Variants in CD99L2 observed in about 807,000 individuals in gnomAD.
CD99L2 encodes CD99 antigen-like protein 2.
In CD99L2, 24 loss-of-function variants were observed where a neutral mutation model predicts 27.3. That is an observed-to-expected ratio of 0.88 (90% CI 0.64 to 1.24). The LOEUF is 1.24. CD99L2 is among the 50% of genes most tolerant of loss of function. The probability of loss-of-function intolerance (pLI) is 0.00; values close to 1 mark genes in which losing one functional copy is unlikely to be tolerated. For missense variants in CD99L2, 255 were observed against 221.6 expected (o/e 1.15, Z -0.96); for synonymous variants, 97 against 87.9 (o/e 1.10, Z -0.58).
rs576897435 is a variant in CD99L2, at chrX:150,871,842, C to T, written c.67+26680G>A. On this transcript the variant is annotated intron_variant, in intron 1 of 10. Coordinates refer to ENST00000370377, the MANE Select transcript of CD99L2 (RefSeq NM_031462.4). ...ATACAGTACGGCTGAATCTTGAAAA[C>T]ATTATGCTGCATGAAAGAGCTAGAA... 2.7e-5 allele frequency among the ~76,000 whole-genome samples: 3 copies of T among 112,122 alleles called. No homozygotes were observed. In the East Asian group the frequency reaches 8.4e-4, roughly 31 times the overall value.
chrX:150,870,768 C>A (rs1569566128), intron 1 of CD99L2, among the ~76,000 whole-genome samples: 1 of 110,953 alleles, frequency 9.0e-6, no homozygotes, highest in African/African-American at 3.3e-5. Context: ...TGCACCCCCC[C>A]ATCCTAGCAG....
chrX:150,893,560 G>C (rs1557422952), intron 1 of CD99L2, among the ~76,000 whole-genome samples: 3 of 108,182 alleles, frequency 2.8e-5, no homozygotes, highest in Non-Finnish European at 5.7e-5. Context: ...CCCCAATCCA[G>C]GGGTAACATG....
At chrX:150,873,630 G>A (rs1294937843) in intron 1 of CD99L2, among the ~76,000 whole-genome samples, 1 of 111,727 alleles carries the variant, frequency 9.0e-6, no homozygotes. Context: ...ACATTCACAG[G>A]GAAGGTAGCA....
intron 9 of CD99L2, among the ~76,000 whole-genome samples, chrX:150,775,627 T>C (rs1028788525): frequency 3.6e-5 from 4 of 112,593 alleles, no homozygotes; most frequent in African/African-American, 6.5e-5. Flanking sequence ...CAATTAATGA[T>C]TCCATACAGT....
At chrX:150,772,681 C>A (rs782003175) in intron 9 of CD99L2, among the ~76,000 whole-genome samples, 2 of 112,470 alleles carry the variant, frequency 1.8e-5, no homozygotes, top group East Asian at 5.6e-4. Context: ...ACCTTTTGGA[C>A]GGGAGATGAG....
chrX:150,811,583 C>T (rs1252696662), intron 4 of CD99L2, among the ~76,000 whole-genome samples: 1 of 111,394 alleles, frequency 9.0e-6, no homozygotes, highest in Non-Finnish European at 1.9e-5. Flanking sequence ...ATATGAAAAC[C>T]AGACAAAGAC....
At chrX:150,859,700 T>C (rs973611029) in intron 1 of CD99L2, among the ~76,000 whole-genome samples, 6 of 109,056 alleles carry the variant, frequency 5.5e-5, no homozygotes, top group Non-Finnish European at 9.5e-5. Context: ...GGTTTCACCA[T>C]GTTGGCCAGG....
chrX:150,861,141 C>CAAAAAAAAAAAAAAAAAA lies in CD99L2; in HGVS notation c.68-29866_68-29849dup, dbSNP rs782255590. ...TGGGTGACAGAGTGAGACTCTGTCT[C>CAAAAAAAAAAAAAAAAAA]AAAAAAAAAAAAAAAAAAGAGTATC... On this transcript the variant is annotated intron_variant, in intron 1 of 10. Transcript: ENST00000370377. 3.0e-3 allele frequency among the ~76,000 whole-genome samples: 124 copies of CAAAAAAAAAAAAAAAAAA among 40,852 alleles called. 4 individuals carry two copies. Among genetic ancestry groups the CAAAAAAAAAAAAAAAAAA allele is most frequent in the Non-Finnish European group, 3.6e-3 (76 of 21,324 alleles). 35.5% of individuals were successfully genotyped at this position (40,852 alleles called of 115,157 possible).
chrX:150,891,847 G>A (rs1557422834), intron 1 of CD99L2, among the ~76,000 whole-genome samples: 2 of 111,882 alleles, frequency 1.8e-5, no homozygotes, highest in East Asian at 2.8e-4. Context: ...TCTGGATTGG[G>A]GGACAGGAAC....
In CD99L2 at chrX:150,776,175, C is replaced by T. The variant is rs782680854; in HGVS notation, c.654G>A (p.Gln218=). ...YQQKKFCFSI[Q]QGLNADYVKG... is the part of the protein sequence containing the mutation. ...CCACGAGTGGGTGGCTGCACTTACG[C>T]TGAATGCTGAAGCAGAACTTCTTCT... The change falls in exon 9 of 11, where the codon CAG becomes CAA. Residue 218 remains glutamine, a splice_region_variant and synonymous_variant. Transcript: ENST00000370377. 22 of 1,209,089 alleles carry T rather than the reference C, an allele frequency of 1.8e-5. No individual in the cohort carries two copies. The highest frequency in any genetic ancestry group is 2.5e-5 in the Non-Finnish European group (22 of 894,745).
chrX:150,857,956 C>A (rs2046918815), intron 1 of CD99L2, among the ~76,000 whole-genome samples: 1 of 111,799 alleles, frequency 8.9e-6, no homozygotes, highest in Admixed American at 9.5e-5. Context: ...TGCACTTTAC[C>A]TGTAAAGATA....
rs143462293 is a variant in CD99L2, at chrX:150,769,079, C to T, written c.744G>A (p.Thr248=). The T allele has an allele frequency of 1.6e-4, 191 of 1,161,234 alleles. No homozygotes were observed. Among genetic ancestry groups the T allele is most frequent in the African/African-American group, 2.6e-4 (14 of 53,758 alleles). ...GCGGCGGCGGCGGCTCTGCAGACTG[C>T]GTGTGCAACGTGGAGTATTTCACTA... ...EPQVKYSTLH[T]QSAEPPPPPE... is the part of the protein sequence containing the mutation. The change falls in exon 11 of 11, where the codon ACG becomes ACA. Residue 248 remains threonine (T), a synonymous_variant. Transcript: ENST00000370377.
rs781808833 is a variant in CD99L2, at chrX:150,824,055, G to A, written c.130+7176C>T. Among the ~76,000 whole-genome samples, 428 of 93,233 alleles carry A rather than the reference G, an allele frequency of 4.6e-3. 8 individuals carry two copies. Among genetic ancestry groups the A allele is most frequent in the African/African-American group, 0.018 (410 of 23,366 alleles). The allele number at this position is 93,233 out of a possible 115,157, so 81.0% of individuals were successfully genotyped here. On this transcript the variant is annotated intron_variant, in intron 2 of 10. Transcript: ENST00000370377. ...AGGAGGAGGAGGAGGAAGAAGAAGAGGAGGAGGAAGAGGAGGAGGAAGAGG... is the reference window on the plus strand; with the variant it reads ...AGGAGGAGGAGGAGGAAGAAGAAGAAGAGGAGGAAGAGGAGGAGGAAGAGG...
intron 7 of CD99L2, among the ~76,000 whole-genome samples, chrX:150,781,605 G>A (rs1182037512): frequency 8.9e-6 from 1 of 112,070 alleles, no homozygotes; most frequent in Non-Finnish European, 1.9e-5. Context: ...AAGTCTCCCT[G>A]CACAGTGTAT....
At chrX:150,897,064 G>A (rs1162799682) in intron 1 of CD99L2, among the ~76,000 whole-genome samples, 1 of 111,922 alleles carries the variant, frequency 8.9e-6, no homozygotes, top group Non-Finnish European at 1.9e-5. Context: ...AACTTTTTTT[G>A]TGCTTCTACT....
At chrX:150,855,090 A>G (rs1557421697) in intron 1 of CD99L2, among the ~76,000 whole-genome samples, 1 of 112,094 alleles carries the variant, frequency 8.9e-6, no homozygotes, top group Non-Finnish European at 1.9e-5. Context: ...TGCCATGCAC[A>G]ATCACTACTG....
At chrX:150,769,546 T>C (rs183685809) in intron 10 of CD99L2, among the ~76,000 whole-genome samples, 4 of 112,341 alleles carry the variant, frequency 3.6e-5, no homozygotes, top group Non-Finnish European at 5.6e-5. Context: ...TTCAGCAGCA[T>C]TGTAGGGCAC....
At chrX:150,880,331 G>C (rs1401012829) in intron 1 of CD99L2, among the ~76,000 whole-genome samples, 1 of 112,434 alleles carries the variant, frequency 8.9e-6, no homozygotes, top group East Asian at 2.8e-4. Flanking sequence ...TAAACACCAT[G>C]TGGTCTACCC....
intron 7 of CD99L2, among the ~76,000 whole-genome samples, chrX:150,791,577 G>A (rs1295050869): frequency 8.9e-6 from 1 of 111,787 alleles, no homozygotes; most frequent in Non-Finnish European, 1.9e-5. Context: ...GGGAACCACA[G>A]TGGGAGTAGG....
Sources: gnomAD v4.1 joint callset for allele counts (sites outside exome capture counted in the v4.1 genomes callset) on GRCh38, gnomAD v4.1.1 for gene constraint, MANE v1.5 for transcripts, NCBI Gene and HGNC (gene_info 2026-07-23, HGNC 2026-07-21) for gene names.